Variants in MACROD2 observed in about 807,000 individuals in gnomAD.
MACROD2 encodes the protein mono-ADP ribosylhydrolase 2.
In MACROD2, 36 loss-of-function variants were observed where a neutral mutation model predicts 70.4. The observed-to-expected ratio is 0.51, with a 90% CI of 0.39 to 0.68. MACROD2 has a LOEUF of 0.68. MACROD2 is among the 30% of genes least tolerant of loss of function. The probability of loss-of-function intolerance (pLI) is 0.00; values close to 1 mark genes in which losing one functional copy is unlikely to be tolerated. For synonymous variants in MACROD2, 172 were observed against 178.8 expected (o/e 0.96, Z 0.30); for missense variants, 496 against 538.4 (o/e 0.92, Z 0.78).
intron 8 of MACROD2, among the ~76,000 whole-genome samples, chr20:15,838,781 C>A (rs1479559978): frequency 6.6e-6 from 1 of 152,090 alleles, no homozygotes; most frequent in Non-Finnish European, 1.5e-5. Flanking sequence ...CAGACTGAAC[C>A]TTTTAAATAA....
intron 3 of MACROD2, among the ~76,000 whole-genome samples, chr20:14,470,110 T>G (rs1177000216): frequency 1.3e-5 from 2 of 152,056 alleles, no homozygotes; most frequent in African/African-American, 4.8e-5. Context: ...CTGATGGGGT[T>G]TTTGTGTGGA....
intron 3 of MACROD2, among the ~76,000 whole-genome samples, chr20:14,426,984 T>C (rs1319923947): frequency 6.6e-6 from 1 of 152,178 alleles, no homozygotes; most frequent in Non-Finnish European, 1.5e-5. Context: ...AAATCGTTGT[T>C]ATTTGGCTTT....
rs1175389121 is a variant in MACROD2, at chr20:14,449,519, G to A, written c.272-43960G>A. On this transcript the variant is annotated intron_variant, in intron 3 of 17. Transcript: ENST00000684519. ...TATGTAGTCTGGTTGTGAAATACATGTATAACTAATACTGTACATAGTGGG... is the reference window on the plus strand; with the variant it reads ...TATGTAGTCTGGTTGTGAAATACATATATAACTAATACTGTACATAGTGGG... Among the ~76,000 whole-genome samples the A allele has an allele frequency of 2.0e-5, 3 of 152,120 alleles. 1 individual carries two copies. The highest frequency in any genetic ancestry group is 7.3e-5 in the African/African-American group (3 of 41,360).
At chr20:15,300,284 C>T (rs1232462068) in intron 6 of MACROD2, among the ~76,000 whole-genome samples, 3 of 152,170 alleles carry the variant, frequency 2.0e-5, no homozygotes, top group Admixed American at 6.5e-5. Flanking sequence ...TGTTCTCAAA[C>T]CATGATTCCA....
intron 5 of MACROD2, among the ~76,000 whole-genome samples, chr20:14,767,646 T>TA (rs897221650): frequency 5.3e-5 from 8 of 152,100 alleles, no homozygotes; most frequent in East Asian, 3.9e-4. Flanking sequence ...TTCTTTTTTT[T>TA]AAAAAAAATT....
intron 8 of MACROD2, among the ~76,000 whole-genome samples, chr20:15,649,710 T>A (rs1218290609): frequency 6.6e-6 from 1 of 152,148 alleles, no homozygotes; most frequent in African/African-American, 2.4e-5. Flanking sequence ...CTTAGACAAA[T>A]TAGGGTCTAC....
intron 5 of MACROD2, among the ~76,000 whole-genome samples, chr20:14,890,997 C>T (rs145843363): frequency 1.3e-3 from 86 of 65,062 alleles, no homozygotes; most frequent in Middle Eastern, 6.3e-3. Context: ...CTTCCTCCCT[C>T]CCTCCCTCCC....
Position 14,612,570 on chromosome 20 carries a change from A to T in MACROD2, c.302-72273A>T, listed in dbSNP as rs994462042. 5.3e-5 allele frequency among the ~76,000 whole-genome samples: 8 copies of T among 152,222 alleles called. No individual in the cohort carries two copies. The East Asian group carries it at 1.4e-3, about 26-fold the overall frequency. The stretch of plus-strand genomic sequence containing the variant: ...CATATGCATGCAGTATAAAAATAAG[A>T]TTGCAAAATGTTGCATCATTTCAGT... On this transcript the variant is annotated intron_variant, in intron 4 of 17. Coordinates refer to ENST00000684519, the MANE Select transcript of MACROD2 (RefSeq NM_001351661.2).
chr20:14,325,501 C>A, intron 3 of MACROD2: 1 of 1,533,462 alleles, frequency 6.5e-7, no homozygotes, highest in Non-Finnish European at 8.8e-7. Context: ...TTCCTACCAT[C>A]ACCTCCCTTA....
At chr20:14,027,298 T>C (rs1178245123) in intron 2 of MACROD2, among the ~76,000 whole-genome samples, 1 of 152,146 alleles carries the variant, frequency 6.6e-6, no homozygotes, top group Non-Finnish European at 1.5e-5. Context: ...TGCTGTGTTT[T>C]TCAGCTCCAT....
chr20:14,191,852 CT>C (rs1286338990), intron 3 of MACROD2, among the ~76,000 whole-genome samples: 3 of 152,098 alleles, frequency 2.0e-5, no homozygotes, highest in African/African-American at 7.2e-5. Flanking sequence ...CATATAGGGT[CT>C]TTTAGGTCAA....
intron 5 of MACROD2, among the ~76,000 whole-genome samples, chr20:14,832,680 A>C (rs1016250041): frequency 3.9e-5 from 6 of 152,172 alleles, no homozygotes; most frequent in African/African-American, 1.4e-4. Flanking sequence ...TCCTGTTTGC[A>C]TCTCAGTTAA....
At chr20:14,086,580 C>G (rs1182650268) in intron 3 of MACROD2, among the ~76,000 whole-genome samples, 4 of 152,118 alleles carry the variant, frequency 2.6e-5, no homozygotes, top group Non-Finnish European at 1.5e-5. Context: ...CAGAGTTCAG[C>G]TGGTTCTGGG....
chr20:15,351,727 C>A (rs1019243153), intron 6 of MACROD2, among the ~76,000 whole-genome samples: 3 of 152,166 alleles, frequency 2.0e-5, no homozygotes, highest in Admixed American at 1.3e-4. Flanking sequence ...AAGTGAGGAC[C>A]TTCTTGGAGA....
At chr20:15,820,112 TG>T (rs1349592938) in intron 8 of MACROD2, among the ~76,000 whole-genome samples, 1 of 152,138 alleles carries the variant, frequency 6.6e-6, no homozygotes, top group Non-Finnish European at 1.5e-5. Flanking sequence ...AGCGACACTG[TG>T]TGCTGAAGCA....
chr20:15,823,031 G>C (rs1310691838), intron 8 of MACROD2, among the ~76,000 whole-genome samples: 2 of 152,154 alleles, frequency 1.3e-5, no homozygotes, highest in African/African-American at 2.4e-5. Flanking sequence ...TTATAGCAGA[G>C]AATGGCTTAT....
chr20:14,931,273 G>C (rs2074293682), intron 5 of MACROD2, among the ~76,000 whole-genome samples: 1 of 152,138 alleles, frequency 6.6e-6, no homozygotes, highest in Non-Finnish European at 1.5e-5. Context: ...AGCATTCTCG[G>C]AATGGGAGGC....
chr20:16,014,222 A>G (rs1196681594), intron 15 of MACROD2, among the ~76,000 whole-genome samples: 4 of 152,220 alleles, frequency 2.6e-5, no homozygotes. Flanking sequence ...GACTAGGTGA[A>G]AATTCCAGTT....
At chr20:13,996,073 T>G (rs1041490557) in intron 1 of MACROD2, among the ~76,000 whole-genome samples, 33 of 152,154 alleles carry the variant, frequency 2.2e-4, no homozygotes, top group African/African-American at 7.7e-4. Context: ...CGTCACCTTC[T>G]CCCGAGGCGG....
Sources: allele counts gnomAD v4.1 joint callset (sites outside exome capture counted in the v4.1 genomes callset), GRCh38; gene constraint gnomAD v4.1.1; transcripts MANE v1.5; gene names NCBI Gene and HGNC (gene_info 2026-07-23, HGNC 2026-07-21).